Variants in GPHN observed in about 807,000 individuals in gnomAD.
The protein encoded by GPHN is gephyrin.
Under a neutral mutation model 95.5 loss-of-function variants are expected in GPHN, and 17 were observed. The observed-to-expected ratio is 0.18, with a 90% CI of 0.12 to 0.27. GPHN has a LOEUF of 0.27. Ranked by LOEUF, GPHN falls within the 10% of genes least tolerant of loss-of-function variation. GPHN has a pLI of 1.00. For missense variants in GPHN, 660 were observed against 978.1 expected (o/e 0.67, Z 4.34); for synonymous variants, 320 against 322.5 (o/e 0.99, Z 0.08).
chr14:67,323,080 CTTA>C, the GPHN span, among the ~76,000 whole-genome samples: 2 of 151,976 alleles, frequency 1.3e-5, no homozygotes, highest in African/African-American at 2.4e-5. Flanking sequence ...TGTATGTGAT[CTTA>C]TTATTAAAAC....
chr14:67,173,626 T>C (rs1289232186), intron 21 of GPHN, among the ~76,000 whole-genome samples: 2 of 152,126 alleles, frequency 1.3e-5, no homozygotes, highest in South Asian at 2.1e-4. Flanking sequence ...CACAGATTCA[T>C]GCAGGCTTAC....
chr14:66,703,902 A>G (rs1355840037), intron 2 of GPHN, among the ~76,000 whole-genome samples: 1 of 152,062 alleles, frequency 6.6e-6, no homozygotes, highest in Non-Finnish European at 1.5e-5. Context: ...TCTCAAGTGC[A>G]AAGACCCACA....
chr14:67,227,024 A>T, the GPHN span, among the ~76,000 whole-genome samples: 1 of 152,232 alleles, frequency 6.6e-6, no homozygotes, highest in Non-Finnish European at 1.5e-5. Context: ...CAATGATTTC[A>T]ATCCCTTGAT....
At chr14:67,266,618 G>A in the GPHN span, among the ~76,000 whole-genome samples, 15 of 151,864 alleles carry the variant, frequency 9.9e-5, no homozygotes, top group Middle Eastern at 3.4e-3. Context: ...GAGCCACCTC[G>A]CCCAGCTGAA....
chr14:67,330,157 T>TA, the GPHN span, among the ~76,000 whole-genome samples: 1,619 of 139,406 alleles, frequency 0.012, 17 homozygotes, highest in Middle Eastern at 0.019. Context: ...TAATAATAAT[T>TA]ATTATTATTA....
the GPHN span, chr14:67,279,214 A>T: frequency 6.2e-7 from 1 of 1,611,880 alleles, no homozygotes; most frequent in Non-Finnish European, 8.5e-7. Context: ...GAGGAATCAG[A>T]CAGCGAAGTA....
intron 4 of GPHN, among the ~76,000 whole-genome samples, chr14:66,857,932 G>C (rs565651934): frequency 2.6e-5 from 4 of 152,086 alleles, no homozygotes; most frequent in Non-Finnish European, 5.9e-5. Context: ...GCAACACCAG[G>C]CTTAACTCAA....
At chr14:67,685,562 A>G in the GPHN span, among the ~76,000 whole-genome samples, 29 of 152,022 alleles carry the variant, frequency 1.9e-4, no homozygotes, top group Non-Finnish European at 3.2e-4. Context: ...GCATCAAACA[A>G]TCTTCCCACC....
chr14:67,711,578 T>C, the GPHN span, among the ~76,000 whole-genome samples: 1 of 152,352 alleles, frequency 6.6e-6, no homozygotes, highest in Admixed American at 6.5e-5. Context: ...TAGTGAAACA[T>C]TGTGTACACA....
At chr14:67,707,718 A>G in the GPHN span, among the ~76,000 whole-genome samples, 1 of 152,246 alleles carries the variant, frequency 6.6e-6, no homozygotes, top group Non-Finnish European at 1.5e-5. Flanking sequence ...AGAATCTCAG[A>G]TAAGACTTCT....
At chr14:67,035,173 A>C (rs1237568400) in intron 10 of GPHN, among the ~76,000 whole-genome samples, 2 of 151,818 alleles carry the variant, frequency 1.3e-5, no homozygotes, top group East Asian at 3.8e-4. Context: ...AAAGGAAAAA[A>C]AAATGAGAGA....
the GPHN span, among the ~76,000 whole-genome samples, chr14:67,225,926 AGTGT>A: frequency 0.039 from 5,370 of 136,692 alleles, 243 homozygotes; most frequent in African/African-American, 0.12. Context: ...TAATGCTGTG[AGTGT>A]GTGTGTGTGT....
chr14:67,568,195 C>T, the GPHN span, among the ~76,000 whole-genome samples: 3 of 152,134 alleles, frequency 2.0e-5, no homozygotes, highest in Non-Finnish European at 4.4e-5. Context: ...GGAATCAACC[C>T]AATGCCCATC....
At chr14:66,883,302 G>C (rs1437060545) in intron 5 of GPHN, among the ~76,000 whole-genome samples, 1 of 151,724 alleles carries the variant, frequency 6.6e-6, no homozygotes, top group Non-Finnish European at 1.5e-5. Context: ...CTGCCTTTGA[G>C]AATATCTAGT....
chr14:67,345,012 C>A, the GPHN span, among the ~76,000 whole-genome samples: 1 of 151,582 alleles, frequency 6.6e-6, no homozygotes, highest in Non-Finnish European at 1.5e-5. Flanking sequence ...AAGGATGAGG[C>A]GGGCTGATTA....
chr14:67,428,406 C>A, the GPHN span, among the ~76,000 whole-genome samples: 1 of 152,260 alleles, frequency 6.6e-6, no homozygotes, highest in Non-Finnish European at 1.5e-5. Flanking sequence ...ACACTTAGAG[C>A]ACTTATGTGC....
chr14:67,310,630 T>C, the GPHN span, among the ~76,000 whole-genome samples: 1 of 152,232 alleles, frequency 6.6e-6, no homozygotes, highest in African/African-American at 2.4e-5. Flanking sequence ...CCAAAAGGCA[T>C]AATAACATTT....
the GPHN span, among the ~76,000 whole-genome samples, chr14:67,517,289 A>C: frequency 1.3e-5 from 2 of 152,184 alleles, no homozygotes; most frequent in African/African-American, 2.4e-5. Flanking sequence ...GCTCTCCCCC[A>C]GGCTCTGGGA....
the GPHN span, among the ~76,000 whole-genome samples, chr14:67,504,229 G>T: frequency 6.6e-6 from 1 of 150,938 alleles, no homozygotes; most frequent in Non-Finnish European, 1.5e-5. Context: ...GGCCAGGTTG[G>T]TCTCGGACTT....
Sources: allele counts gnomAD v4.1 joint callset (sites outside exome capture counted in the v4.1 genomes callset), GRCh38; gene constraint gnomAD v4.1.1; transcripts MANE v1.5; gene names NCBI Gene and HGNC (gene_info 2026-07-23, HGNC 2026-07-21).